The following SLC14A2 variants were observed in gnomAD, a reference collection of about 807,000 sequenced individuals.
SLC14A2 encodes the protein solute carrier family 14 member 2, also known as urea transporter 2.
In SLC14A2, 91 loss-of-function variants were observed where a neutral mutation model predicts 104.6. That is an observed-to-expected ratio of 0.87 (90% CI 0.73 to 1.04). The LOEUF (loss-of-function observed/expected upper bound fraction) is 1.04. Ranked by LOEUF, SLC14A2 falls within the 50% of genes least tolerant of loss-of-function variation. The pLI, the probability that SLC14A2 is intolerant of heterozygous loss-of-function variation, is 0.00. For synonymous variants in SLC14A2, 476 were observed against 466.4 expected, an observed-to-expected ratio of 1.02 and a Z score of -0.27; for missense variants, 1,189 against 1,156.0, an observed-to-expected ratio of 1.03 and a Z score of -0.41.
At chr18:45,387,972 A>G (rs1332341488) in intron 1 of SLC14A2, among the ~76,000 whole-genome samples, 7 of 151,728 alleles carry the variant, frequency 4.6e-5, no homozygotes, top group Non-Finnish European at 4.4e-5. Flanking sequence ...GGTTATGTGC[A>G]AAGGAGGTCA....
At chr18:45,426,566 A>G (rs962535960) in intron 1 of SLC14A2, among the ~76,000 whole-genome samples, 3 of 146,744 alleles carry the variant, frequency 2.0e-5, no homozygotes, top group Non-Finnish European at 4.5e-5. Context: ...GTGTGTGTGT[A>G]TACACACATA....
chr18:45,426,993 TTTCTC>T (rs1207153857), intron 1 of SLC14A2, among the ~76,000 whole-genome samples: 6 of 152,156 alleles, frequency 3.9e-5, no homozygotes, highest in Admixed American at 1.3e-4. Context: ...TTTTTCATCT[TTTCTC>T]AACATAGAGT....
chr18:45,187,879 C>T, the SLC14A2 span, among the ~76,000 whole-genome samples: 1 of 152,110 alleles, frequency 6.6e-6, no homozygotes, highest in Non-Finnish European at 1.5e-5. Context: ...ATTGAGTCAT[C>T]TTATGCCAGT....
chr18:45,268,964 T>TTGTGTGTGTCTGTGTG lies in SLC14A2; in HGVS notation c.-125+55782_-125+55783insCTGTGTGTGTGTGTGT, dbSNP rs1555670630. Among the ~76,000 whole-genome samples the TTGTGTGTGTCTGTGTG allele has an allele frequency of 2.2e-3, 322 of 143,558 alleles. 2 individuals are homozygous for TTGTGTGTGTCTGTGTG. The highest frequency in any genetic ancestry group is 3.3e-3 in the Non-Finnish European group (223 of 66,584). 94.2% of individuals were successfully genotyped at this position (143,558 alleles called of 152,430 possible). A position where few individuals can be genotyped will look rare whatever the true frequency, so the allele number is the denominator to read the frequency against. ...TGCCTCCTTTATGCTGTTGGTGTGT[T>TTGTGTGTGTCTGTGTG]TGTGTGTGTGTGTGTGTGTGTGTAC... On this transcript the variant is annotated intron_variant, in intron 1 of 20. Coordinates refer to the SLC14A2 transcript ENST00000586448.
At chr18:45,494,650 G>A (rs2043060475) in intron 2 of SLC14A2, among the ~76,000 whole-genome samples, 1 of 151,834 alleles carries the variant, frequency 6.6e-6, no homozygotes, top group Non-Finnish European at 1.5e-5. Context: ...TGATCTGCCT[G>A]CCTCAGTCTC....
intron 2 of SLC14A2, chr18:45,515,547 G>A (rs2043426881): frequency 6.6e-6 from 1 of 152,238 alleles, no homozygotes; most frequent in South Asian, 2.1e-4. Context: ...ATCAGCACGT[G>A]GGCTGCTGTG....
rs533829960 is a variant in SLC14A2, at chr18:45,466,502, C to G, written c.-124-16731C>G. Reference sequence around the variant, plus strand: ...GAATAGAGCATGAGTTCCATCTGAGCTGGGCCTTGAGGCATGAGTTCAAAA... The same window carrying G: ...GAATAGAGCATGAGTTCCATCTGAGGTGGGCCTTGAGGCATGAGTTCAAAA... On this transcript the variant is annotated intron_variant, in intron 1 of 20. Coordinates refer to the SLC14A2 transcript ENST00000586448. Among the ~76,000 whole-genome samples the G allele has an allele frequency of 2.0e-5, 3 of 150,040 alleles. No homozygotes were observed. In the East Asian group the frequency reaches 5.9e-4, roughly 29 times the overall value.
At chr18:45,433,607 G>A (rs2362840) in intron 1 of SLC14A2, among the ~76,000 whole-genome samples, 80,422 of 151,560 alleles carry the variant, frequency 0.53, 21,458 homozygotes, top group Admixed American at 0.66. Context: ...GGAAACAGGT[G>A]ACACAATATC....
At chr18:45,247,474 A>T (rs1285883922) in intron 1 of SLC14A2, among the ~76,000 whole-genome samples, 1 of 152,204 alleles carries the variant, frequency 6.6e-6, no homozygotes, top group African/African-American at 2.4e-5. Flanking sequence ...ATCTGTATTC[A>T]GATTTAGATG....
At chr18:45,595,894 G>A (rs79436737) in intron 2 of SLC14A2, among the ~76,000 whole-genome samples, 3,601 of 152,270 alleles carry the variant, frequency 0.024, 54 homozygotes, top group Non-Finnish European at 0.035. Context: ...TGCCCCCAGG[G>A]TGTTCATTGA....
chr18:45,302,308 T>G (rs2084976353), intron 1 of SLC14A2, among the ~76,000 whole-genome samples: 1 of 152,242 alleles, frequency 6.6e-6, no homozygotes, highest in Admixed American at 6.5e-5. Flanking sequence ...GAATAAGAGT[T>G]AGTCTATACT....
intron 2 of SLC14A2, among the ~76,000 whole-genome samples, chr18:45,577,943 A>AAAAGGTGG (rs1421084537): frequency 6.6e-6 from 1 of 152,202 alleles, no homozygotes; most frequent in Non-Finnish European, 1.5e-5. Flanking sequence ...GGCTCCATGG[A>AAAAGGTGG]AAAGGTGGAC....
At chr18:45,262,274 A>G (rs1261545841) in intron 1 of SLC14A2, among the ~76,000 whole-genome samples, 1 of 152,208 alleles carries the variant, frequency 6.6e-6, no homozygotes, top group African/African-American at 2.4e-5. Context: ...CTCATTTTAT[A>G]GATTAGGAAA....
chr18:45,473,742 T>C (rs1414450248), intron 1 of SLC14A2, among the ~76,000 whole-genome samples: 1 of 152,220 alleles, frequency 6.6e-6, no homozygotes, highest in African/African-American at 2.4e-5. Flanking sequence ...TCCTGAGGCT[T>C]TGCTGAAGTT....
chr18:45,407,868 C>A (rs1309709521), intron 1 of SLC14A2, among the ~76,000 whole-genome samples: 6 of 152,128 alleles, frequency 3.9e-5, no homozygotes, highest in Non-Finnish European at 8.8e-5. Context: ...CAAACAATTA[C>A]AACAGTAATA....
chr18:45,274,644 A>AT (rs2084684038), intron 1 of SLC14A2, among the ~76,000 whole-genome samples: 1 of 152,242 alleles, frequency 6.6e-6, no homozygotes, highest in Non-Finnish European at 1.5e-5. Flanking sequence ...CAGTCAACAG[A>AT]TGTCTGGGTT....
chr18:45,616,508 T>C (rs559449312), intron 1 of SLC14A2, among the ~76,000 whole-genome samples: 8 of 152,288 alleles, frequency 5.3e-5, no homozygotes, highest in African/African-American at 1.4e-4. Context: ...AGAAGGTTTT[T>C]GAGCAGTGGC....
chr18:45,193,484 A>G, the SLC14A2 span, among the ~76,000 whole-genome samples: 5 of 152,212 alleles, frequency 3.3e-5, no homozygotes, highest in Non-Finnish European at 5.9e-5. Flanking sequence ...TCATCTTTCC[A>G]CACTGAATTT....
chr18:45,280,778 G>A (rs1268401005), intron 1 of SLC14A2, among the ~76,000 whole-genome samples: 1 of 152,162 alleles, frequency 6.6e-6, no homozygotes, highest in Non-Finnish European at 1.5e-5. Context: ...CCTGTGGTCT[G>A]GCTTTTGACC....
Sources: allele counts gnomAD v4.1 joint callset (sites outside exome capture counted in the v4.1 genomes callset), GRCh38; gene constraint gnomAD v4.1.1; transcripts MANE v1.5; gene names NCBI Gene and HGNC (gene_info 2026-07-23, HGNC 2026-07-21).